The following STAT5B variants were observed in gnomAD, a reference collection of about 807,000 sequenced individuals.
The protein encoded by STAT5B is signal transducer and activator of transcription 5B, also known as transcription factor STAT5B.
STAT5B carries 21 observed loss-of-function variants against 107.8 expected under a neutral mutation model. The observed-to-expected ratio is 0.19, with a 90% CI of 0.14 to 0.28. The LOEUF (loss-of-function observed/expected upper bound fraction) is 0.28, where lower values mean the gene tolerates loss of function less well. STAT5B is among the 10% of genes least tolerant of loss of function. STAT5B has a pLI of 1.00. For missense variants in STAT5B, 565 were observed against 1,008.2 expected (o/e 0.56, Z 5.95); for synonymous variants, 325 against 401.7 (o/e 0.81, Z 2.28).
At chr17:42,219,052 C>T (rs559163989) in intron 7 of STAT5B, among the ~76,000 whole-genome samples, 174 bp from the exon 8 acceptor site, 2 of 152,044 alleles carry the variant, frequency 1.3e-5, no homozygotes, top group Non-Finnish European at 2.9e-5. Context: ...ACAGGAGGGG[C>T]GACCCTGACT....
At position 42,270,353 on chromosome 17, in the gene STAT5B, G is replaced by T. The variant is rs190137766; in HGVS notation, c.-11+5895C>A. The stretch of plus-strand genomic sequence containing the variant: ...ATAAAGTTGTAAATAAAATGAGTGG[G>T]ATTGTTGAGTTCTCAGTACAGACGT... On this transcript the variant is annotated intron_variant, in intron 1 of 18. Transcript: ENST00000293328. Among the ~76,000 whole-genome samples, 67 of 152,254 alleles carry T rather than the reference G, an allele frequency of 4.4e-4. 1 individual carries two copies. The Middle Eastern group carries it at 0.024, about 54-fold the overall frequency.
At chr17:42,213,775 C>T (rs1220773951) in intron 12 of STAT5B, among the ~76,000 whole-genome samples, 5 of 142,482 alleles carry the variant, frequency 3.5e-5, no homozygotes, top group Non-Finnish European at 7.7e-5. Context: ...ATGATCCACC[C>T]ACCTCGGCCT....
At chr17:42,243,990 C>G (rs960223649) in intron 1 of STAT5B, among the ~76,000 whole-genome samples, 1 of 151,440 alleles carries the variant, frequency 6.6e-6, no homozygotes, top group African/African-American at 2.4e-5. Context: ...CTTGCTGTAG[C>G]CCAAAATTAA....
At chr17:42,263,871 G>A (rs867355516) in intron 1 of STAT5B, among the ~76,000 whole-genome samples, 31 of 145,030 alleles carry the variant, frequency 2.1e-4, no homozygotes, top group African/African-American at 7.0e-4. Context: ...TAGAAAGCGC[G>A]CACACACACA....
intron 3 of STAT5B, 46 bp downstream of exon 3, chr17:42,227,483 C>A (rs368574229): frequency 3.3e-5 from 53 of 1,611,648 alleles, no homozygotes; most frequent in Non-Finnish European, 4.1e-5. Flanking sequence ...AGGAAGAAGA[C>A]CCCCAAGGGA....
chr17:42,255,179 C>T lies in STAT5B; in HGVS notation c.-11+21069G>A, dbSNP rs75856527. Among the ~76,000 whole-genome samples, 754 of 152,300 alleles carry T rather than the reference C, an allele frequency of 5.0e-3. 3 individuals carry two copies. Among genetic ancestry groups the T allele is most frequent in the African/African-American group, 0.017 (704 of 41,562 alleles). ...GAGGTCCCCTGTGGAGAGTATGTCT[C>T]ATTGTCTGTATAAACAATTACAACA... On this transcript the variant is annotated intron_variant, in intron 1 of 18. Coordinates refer to ENST00000293328, the MANE Select transcript of STAT5B (RefSeq NM_012448.4).
chr17:42,213,262 AG>A (rs1248118177), intron 12 of STAT5B, among the ~76,000 whole-genome samples: 1 of 152,126 alleles, frequency 6.6e-6, no homozygotes, highest in Non-Finnish European at 1.5e-5. Flanking sequence ...GCTGGAGTAC[AG>A]TGGCCCAATC....
chr17:42,245,159 C>T (rs1460167374), intron 1 of STAT5B, among the ~76,000 whole-genome samples: 2 of 148,356 alleles, frequency 1.3e-5, no homozygotes, highest in African/African-American at 2.5e-5. Flanking sequence ...CTCACTGCAA[C>T]CTCTGCCTCC....
At chr17:42,222,792 T>C (rs1301918186) in intron 5 of STAT5B, among the ~76,000 whole-genome samples, 5 of 151,904 alleles carry the variant, frequency 3.3e-5, no homozygotes, top group African/African-American at 1.2e-4. Context: ...AGAGATTCTC[T>C]TGCCTCAGCC....
At chr17:42,234,466 AGTCACTTAACT>A (rs1208041579) in intron 1 of STAT5B, 4 of 152,258 alleles carry the variant, frequency 2.6e-5, no homozygotes, top group Non-Finnish European at 5.9e-5. Flanking sequence ...AAACACTGGA[AGTCACTTAACT>A]GCACAATGTA....
intron 4 of STAT5B, among the ~76,000 whole-genome samples, chr17:42,223,970 G>A (rs185025388): frequency 9.2e-5 from 14 of 152,296 alleles, no homozygotes; most frequent in Admixed American, 8.5e-4. Context: ...GCCATGGGGA[G>A]CAGGGCCATG....
In STAT5B at chr17:42,218,668, C is replaced by T. The variant is rs536988207; in HGVS notation, c.989+55G>A. The stretch of plus-strand genomic sequence containing the variant: ...TCTGGAAGGCACCTGCGGCTCCCCC[C>T]ACGCAGGCAGGAGCTGCCCCAAGCT... On this transcript the variant is annotated intron_variant, in intron 8 of 18. Coordinates refer to ENST00000293328, the MANE Select transcript of STAT5B (RefSeq NM_012448.4). 4.3e-5 allele frequency: 70 copies of T among 1,612,148 alleles called. No individual in the cohort carries two copies. In the East Asian group the frequency reaches 5.6e-4, roughly 13 times the overall value.
At position 42,210,171 on chromosome 17, in the gene STAT5B, G is replaced by A; in HGVS notation, c.1906C>T (p.Gln636Ter). The change falls in exon 15 of 19, where the codon CAG becomes TAG. Residue 636 changes from glutamine to a stop codon, truncating the protein, a stop_gained and splice_region_variant. Transcript: ENST00000293328. LOFTEE classifies it high-confidence loss of function. ...GITIAWKFDS[Q>*]ERMFWNLMPF... Reference sequence around the variant, plus strand: ...GACATAAGAAGGGAGGGGCACTCACGAGAATCAAACTTCCAAGCAATGGTG... The same window carrying A: ...GACATAAGAAGGGAGGGGCACTCACAAGAATCAAACTTCCAAGCAATGGTG... 2 of 1,614,134 alleles carry A rather than the reference G, an allele frequency of 1.2e-6. No homozygotes were observed. The highest frequency in any genetic ancestry group is 1.7e-6 in the Non-Finnish European group (2 of 1,180,024).
At chr17:42,237,151 T>C (rs926147426) in intron 1 of STAT5B, among the ~76,000 whole-genome samples, 3 of 152,312 alleles carry the variant, frequency 2.0e-5, no homozygotes, top group African/African-American at 7.2e-5. Flanking sequence ...CCCTGTACTT[T>C]CTGAAGGCAT....
At chr17:42,225,169 C>T (rs1452019160) in intron 3 of STAT5B, among the ~76,000 whole-genome samples, 1 of 152,130 alleles carries the variant, frequency 6.6e-6, no homozygotes, top group Non-Finnish European at 1.5e-5. Flanking sequence ...ATTCTCCTGC[C>T]TTAGCCCCCC....
chr17:42,208,452 T>C (rs1242070664), intron 15 of STAT5B, among the ~76,000 whole-genome samples: 1 of 151,564 alleles, frequency 6.6e-6, no homozygotes, highest in Admixed American at 6.6e-5. Context: ...GCTGAGATCA[T>C]GACACTGCAC....
chr17:42,216,056 A>G lies in STAT5B; in HGVS notation c.1431T>C (p.Asn477=). The part of the protein sequence containing the change: ...VVIVHGSQDN[N]ATATVLWDNA... Reference sequence around the variant, plus strand: ...TGTCCCAGAGAACAGTGGCCGTCGCATTGTTGTCCTGGCTGCCATGAACGA... The same window carrying G: ...TGTCCCAGAGAACAGTGGCCGTCGCGTTGTTGTCCTGGCTGCCATGAACGA... Residue 477 remains asparagine (N), a synonymous_variant, in exon 12 of 19, where the codon AAT becomes AAC. Transcript: ENST00000293328. 6.2e-7 allele frequency: 1 copy of G among 1,613,978 alleles called. No individual in the cohort carries two copies. Among genetic ancestry groups the G allele is most frequent in the Non-Finnish European group, 8.5e-7 (1 of 1,179,994 alleles).
At chr17:42,211,688 C>T (rs559085516) in intron 13 of STAT5B, among the ~76,000 whole-genome samples, 1 of 152,022 alleles carries the variant, frequency 6.6e-6, no homozygotes, top group Non-Finnish European at 1.5e-5. Flanking sequence ...TTCGCATCCC[C>T]TCAAAAGCTT....
chr17:42,249,245 T>C (rs765341837), intron 1 of STAT5B, among the ~76,000 whole-genome samples: 1 of 151,854 alleles, frequency 6.6e-6, no homozygotes, highest in African/African-American at 2.4e-5. Flanking sequence ...TATACAAAAT[T>C]AGCTGGGTGT....
Sources: allele counts gnomAD v4.1 joint callset (sites outside exome capture counted in the v4.1 genomes callset), GRCh38; gene constraint gnomAD v4.1.1; transcripts MANE v1.5; gene names NCBI Gene and HGNC (gene_info 2026-07-23, HGNC 2026-07-21).